SPATA7: variants seen among roughly 807,000 people sequenced by gnomAD.
SPATA7 encodes spermatogenesis-associated protein 7.
SPATA7 carries 43 observed loss-of-function variants against 51.8 expected under a neutral mutation model. The observed-to-expected ratio is 0.83, with a 90% CI of 0.65 to 1.07. SPATA7 has a LOEUF of 1.07. Among genes scored for constraint, SPATA7 ranks in the 50% least tolerant of loss-of-function variants. The pLI, the probability that SPATA7 is intolerant of heterozygous loss-of-function variation, is 0.00. For synonymous variants in SPATA7, 230 were observed against 252.8 expected (o/e 0.91, Z 0.86); for missense variants, 683 against 701.3 (o/e 0.97, Z 0.30).
At chr14:88,397,841 T>C (rs571797051) in intron 4 of SPATA7, among the ~76,000 whole-genome samples, 1 of 152,094 alleles carries the variant, frequency 6.6e-6, no homozygotes, top group Non-Finnish European at 1.5e-5. Flanking sequence ...GTATACTTTA[T>C]GGGAGGCCGA....
At chr14:88,405,966 T>G (rs568253171) in intron 4 of SPATA7, among the ~76,000 whole-genome samples, 194 of 152,354 alleles carry the variant, frequency 1.3e-3, no homozygotes, top group Non-Finnish European at 2.3e-3. Flanking sequence ...GAATTTTTCC[T>G]TTTTGCTACA....
chr14:88,468,797 TC>T, intron 4 of SPATA7: 1 of 1,280,330 alleles, frequency 7.8e-7, no homozygotes, highest in African/African-American at 1.5e-5. Flanking sequence ...ATTAGTAACA[TC>T]TTGAGGCCAC....
At chr14:88,458,671 A>C (rs909120403), downstream of SPATA7, among the ~76,000 whole-genome samples, 3 of 152,136 alleles carry the variant, frequency 2.0e-5, no homozygotes, top group African/African-American at 7.2e-5. Context: ...CTTTTCAAAA[A>C]ACGAGCCCCT....
exon 4 of SPATA7, chr14:88,455,144 T>C: frequency 2.2e-6 from 1 of 454,078 alleles, no homozygotes; most frequent in South Asian, 1.6e-5. Context: ...TATGTTCTAC[T>C]ATAGAGGTGG....
intron 3 of SPATA7, among the ~76,000 whole-genome samples, chr14:88,454,529 C>T (rs1566796529): frequency 6.6e-6 from 1 of 152,084 alleles, no homozygotes; most frequent in Non-Finnish European, 1.5e-5. Flanking sequence ...AATTAGCTGG[C>T]TGTGGTGGCT....
intron 10 of SPATA7, among the ~76,000 whole-genome samples, chr14:88,434,652 C>A (rs1415034523): frequency 1.3e-5 from 2 of 148,160 alleles, no homozygotes; most frequent in Non-Finnish European, 3.0e-5. Context: ...CGCCACCGCA[C>A]TCCATCTTGG....
chr14:88,387,614 T>C (rs1351435025), intron 1 of SPATA7, among the ~76,000 whole-genome samples: 1 of 152,146 alleles, frequency 6.6e-6, no homozygotes, highest in Non-Finnish European at 1.5e-5. Context: ...TGTAATCACG[T>C]TTTAGACATT....
chr14:88,444,169 C>T (rs542194835), intron 3 of SPATA7, among the ~76,000 whole-genome samples: 50 of 151,858 alleles, frequency 3.3e-4, no homozygotes, highest in East Asian at 7.7e-4. Context: ...TTTTAATGAT[C>T]GCCATTCTAA....
intron 9 of SPATA7, 197 bp from the exon 10 acceptor site, chr14:88,432,938 C>T: frequency 1.8e-6 from 1 of 557,656 alleles, no homozygotes; most frequent in Non-Finnish European, 3.2e-6. Context: ...TAGGTCATCA[C>T]CTTTAGTAAA....
intron 4 of SPATA7, among the ~76,000 whole-genome samples, chr14:88,461,535 G>A (rs1157043752): frequency 6.6e-6 from 1 of 152,186 alleles, no homozygotes; most frequent in Non-Finnish European, 1.5e-5. Flanking sequence ...CTCCTGGTGT[G>A]CCGTTTGCTA....
intron 3 of SPATA7, among the ~76,000 whole-genome samples, chr14:88,395,415 C>T (rs746431789): frequency 1.1e-4 from 17 of 151,862 alleles, no homozygotes; most frequent in Non-Finnish European, 2.2e-4. Flanking sequence ...ATCGTGAAGT[C>T]GTTTAGTTTT....
downstream of SPATA7, among the ~76,000 whole-genome samples, chr14:88,438,752 T>C (rs2077157373): frequency 1.3e-5 from 2 of 152,238 alleles, no homozygotes; most frequent in Admixed American, 1.3e-4. Flanking sequence ...GTTGTCTTGC[T>C]GACCAGTGGC....
chr14:88,398,835 G>A (rs1026153985), intron 4 of SPATA7, among the ~76,000 whole-genome samples: 25 of 151,870 alleles, frequency 1.6e-4, no homozygotes, highest in Middle Eastern at 3.4e-3. Flanking sequence ...GGCGGATCAC[G>A]AGGTCAGGAG....
intron 3 of SPATA7, among the ~76,000 whole-genome samples, chr14:88,447,042 T>C (rs887886053): frequency 2.0e-5 from 3 of 152,158 alleles, no homozygotes; most frequent in African/African-American, 7.2e-5. Context: ...GTATCCTTGT[T>C]GACTTTCTGT....
chr14:88,452,931 C>T (rs1370229139), intron 3 of SPATA7, among the ~76,000 whole-genome samples: 1 of 152,176 alleles, frequency 6.6e-6, no homozygotes, highest in Admixed American at 6.6e-5. Flanking sequence ...TCTCTCTCTC[C>T]ATGTATCTGC....
chr14:88,437,155 G>A (rs1485476618), intron 10 of SPATA7, among the ~76,000 whole-genome samples: 1 of 151,136 alleles, frequency 6.6e-6, no homozygotes, highest in East Asian at 1.9e-4. Context: ...GTATAATTTA[G>A]GAAGGATTAT....
Position 88,426,352 on chromosome 14 carries a change from A to G in SPATA7, c.493A>G (p.Ser165Gly). The G allele has an allele frequency of 1.2e-6, 2 of 1,614,202 alleles. No individual in the cohort carries two copies. The highest frequency in any genetic ancestry group is 8.5e-7 in the Non-Finnish European group (1 of 1,180,024). ...ACTACACCTAAGTCTACATAAATCC[A>G]GTAAAGTCATCACAAATGGTCCTGA... Reference protein sequence around the residue: ...ERLHLSLHKSSKVITNGPEKN... With the variant: ...ERLHLSLHKSGKVITNGPEKN... Residue 165 changes from serine to glycine, a missense_variant, in exon 6 of 12, where the codon AGT becomes GGT. Transcript: ENST00000393545.
At position 88,426,221 on chromosome 14, in the gene SPATA7, A is replaced by G. The variant is rs1220990333; in HGVS notation, c.373-11A>G. 6.3e-7 allele frequency: 1 copy of G among 1,599,098 alleles called. No individual in the cohort carries two copies. Among genetic ancestry groups the G allele is most frequent in the African/African-American group, 1.3e-5 (1 of 74,626 alleles). ...AATGCAGTTGATGACTGTCATATCGAATGTTCTTAGCCCTCAGGCGAACCG... is the reference window on the plus strand; with the variant it reads ...AATGCAGTTGATGACTGTCATATCGGATGTTCTTAGCCCTCAGGCGAACCG... On this transcript the variant is annotated splice_polypyrimidine_tract_variant and intron_variant, in intron 5 of 11. Transcript: ENST00000393545.
At chr14:88,399,463 G>A (rs553960221) in intron 4 of SPATA7, among the ~76,000 whole-genome samples, 14 of 152,314 alleles carry the variant, frequency 9.2e-5, no homozygotes, top group Admixed American at 7.2e-4. Context: ...TTAAAGACCA[G>A]TTTGGTCGCT....
Sources: gnomAD v4.1 joint callset for allele counts (sites outside exome capture counted in the v4.1 genomes callset) on GRCh38, gnomAD v4.1.1 for gene constraint, MANE v1.5 for transcripts, NCBI Gene and HGNC (gene_info 2026-07-23, HGNC 2026-07-21) for gene names.